Variants in SAMMSON observed in about 807,000 individuals in gnomAD.
SAMMSON encodes long intergenic non-protein coding RNA 1212.
chr3:70,189,639 A>G (rs1452622436), intron 4 of SAMMSON, among the ~76,000 whole-genome samples: 1 of 152,232 alleles, frequency 6.6e-6, no homozygotes, highest in Non-Finnish European at 1.5e-5. Flanking sequence ...GTTGGAAGAT[A>G]CTTATTCTCG....
intron 9 of SAMMSON, among the ~76,000 whole-genome samples, chr3:70,363,973 G>A (rs188618672): frequency 1.4e-4 from 22 of 151,866 alleles, no homozygotes; most frequent in Middle Eastern, 3.4e-3. Flanking sequence ...TTGAGTTATG[G>A]ACTCTTAAAA....
intron 3 of SAMMSON, among the ~76,000 whole-genome samples, chr3:70,028,778 T>C (rs1376358244): frequency 6.6e-6 from 1 of 152,206 alleles, no homozygotes; most frequent in Non-Finnish European, 1.5e-5. Flanking sequence ...AAATGAGATG[T>C]GTCTCATGTT....
intron 6 of SAMMSON, among the ~76,000 whole-genome samples, chr3:70,287,389 T>A (rs1702177535): frequency 6.6e-6 from 1 of 151,336 alleles, no homozygotes; most frequent in Admixed American, 6.6e-5. Flanking sequence ...GAACCAGCCT[T>A]GCATCCCAGG....
At chr3:70,424,924 C>T (rs1322816551) in intron 2 of SAMMSON, 1 of 147,450 alleles carries the variant, frequency 6.8e-6, no homozygotes, top group African/African-American at 2.5e-5. Flanking sequence ...CAGTTGAGAA[C>T]AATGAAACTA....
intron 9 of SAMMSON, among the ~76,000 whole-genome samples, chr3:70,386,788 G>A (rs1020202889): frequency 2.0e-5 from 3 of 152,068 alleles, no homozygotes; most frequent in African/African-American, 7.2e-5. Flanking sequence ...ATAGGGTAAA[G>A]GAAGGTGGCT....
At chr3:70,084,310 G>T (rs2067278120) in intron 4 of SAMMSON, among the ~76,000 whole-genome samples, 2 of 152,096 alleles carry the variant, frequency 1.3e-5, no homozygotes, top group Non-Finnish European at 2.9e-5. Flanking sequence ...GTAAAGTGGC[G>T]AACAAGAATG....
intron 4 of SAMMSON, among the ~76,000 whole-genome samples, chr3:70,192,990 C>T (rs1701142900): frequency 6.6e-6 from 1 of 152,098 alleles, no homozygotes; most frequent in Admixed American, 6.5e-5. Flanking sequence ...TGGCTTCTAT[C>T]CACAAGATTC....
chr3:70,187,377 AT>A (rs1270450215), intron 4 of SAMMSON, among the ~76,000 whole-genome samples: 1 of 140,344 alleles, frequency 7.1e-6, no homozygotes, highest in Non-Finnish European at 1.5e-5. Context: ...TCTCATAGAC[AT>A]TTTTGGTGGC....
chr3:70,191,112 A>G (rs1701128664), intron 4 of SAMMSON, among the ~76,000 whole-genome samples: 1 of 152,204 alleles, frequency 6.6e-6, no homozygotes, highest in South Asian at 2.1e-4. Context: ...GGAACTTGAT[A>G]TTAAATGAGG....
intron 1 of SAMMSON, among the ~76,000 whole-genome samples, chr3:70,007,703 A>G (rs1167777278): frequency 1.3e-5 from 2 of 151,920 alleles, no homozygotes; most frequent in East Asian, 1.9e-4. Flanking sequence ...TTGGTGTTTT[A>G]GACATGAAGT....
chr3:70,098,888 A>C lies in SAMMSON; in HGVS notation n.507+27323A>C, dbSNP rs148646787. Among the ~76,000 whole-genome samples, 486 of 152,246 alleles carry C rather than the reference A, an allele frequency of 3.2e-3. 2 individuals are homozygous for C. Among genetic ancestry groups the C allele is most frequent in the African/African-American group, 0.011 (452 of 41,560 alleles). ...ACCTTGCTTTTCTTTACATTTTACTATATCTATGTGTGTCTTGAAGCAATA... is the reference window on the plus strand; with the variant it reads ...ACCTTGCTTTTCTTTACATTTTACTCTATCTATGTGTGTCTTGAAGCAATA... On this transcript the variant is annotated intron_variant and non_coding_transcript_variant, in intron 4 of 9. Coordinates refer to ENST00000642114, the Ensembl canonical transcript of SAMMSON.
intron 9 of SAMMSON, among the ~76,000 whole-genome samples, chr3:70,370,251 G>T (rs1235269346): frequency 1.3e-5 from 2 of 151,986 alleles, no homozygotes; most frequent in Admixed American, 1.3e-4. Context: ...CTTTGCTGTT[G>T]TGAATAGTGC....
intron 2 of SAMMSON, among the ~76,000 whole-genome samples, chr3:70,407,848 C>A (rs965122626): frequency 6.6e-6 from 1 of 152,250 alleles, no homozygotes; most frequent in African/African-American, 2.4e-5. Context: ...AGCTCTGACC[C>A]CACATTTCCC....
intron 7 of SAMMSON, among the ~76,000 whole-genome samples, chr3:70,334,467 G>T (rs183952976): frequency 6.6e-6 from 1 of 151,906 alleles, no homozygotes; most frequent in Admixed American, 6.6e-5. Flanking sequence ...TCAAAATTAT[G>T]TTTCACTAGT....
intron 4 of SAMMSON, among the ~76,000 whole-genome samples, chr3:70,221,648 T>C (rs1323213941): frequency 6.6e-6 from 1 of 152,110 alleles, no homozygotes; most frequent in Non-Finnish European, 1.5e-5. Context: ...ACCAGTATAA[T>C]TCCCCTGAAT....
At chr3:70,121,916 G>A (rs1211599396) in intron 4 of SAMMSON, among the ~76,000 whole-genome samples, 1 of 152,126 alleles carries the variant, frequency 6.6e-6, no homozygotes, top group Non-Finnish European at 1.5e-5. Flanking sequence ...TGTTTGAAGC[G>A]GGGTGTTACT....
chr3:70,326,969 C>T (rs1295131919), intron 7 of SAMMSON, among the ~76,000 whole-genome samples: 4 of 152,166 alleles, frequency 2.6e-5, no homozygotes, highest in Non-Finnish European at 4.4e-5. Context: ...AGAAATTCTG[C>T]TGCCTAAGCC....
chr3:70,064,659 G>A (rs1347640304), intron 3 of SAMMSON, among the ~76,000 whole-genome samples: 1 of 152,124 alleles, frequency 6.6e-6, no homozygotes, highest in African/African-American at 2.4e-5. Context: ...GCCAGCCAAG[G>A]GAAGAAAGCT....
At chr3:70,001,037 A>T (rs1023472117) in intron 1 of SAMMSON, among the ~76,000 whole-genome samples, 2 of 152,016 alleles carry the variant, frequency 1.3e-5, no homozygotes, top group Non-Finnish European at 2.9e-5. Flanking sequence ...GTTCCACTGG[A>T]CAATGAGCCC....
Sources: gnomAD v4.1 joint callset for allele counts (sites outside exome capture counted in the v4.1 genomes callset) on GRCh38, gnomAD v4.1.1 for gene constraint, MANE v1.5 for transcripts, NCBI Gene and HGNC (gene_info 2026-07-23, HGNC 2026-07-21) for gene names.